Variants in COL5A3 observed in about 807,000 individuals in gnomAD.
The protein encoded by COL5A3 is collagen alpha-3(V) chain.
COL5A3 carries 172 observed loss-of-function variants against 250.0 expected under a neutral mutation model. The observed-to-expected ratio is 0.69, with a 90% confidence interval of 0.61 to 0.78. The LOEUF is 0.78. Ranked by LOEUF, COL5A3 falls within the 30% of genes least tolerant of loss-of-function variation. COL5A3 has a pLI of 0.00. For synonymous variants in COL5A3, 937 were observed against 900.4 expected (o/e 1.04, Z -0.73); for missense variants, 2,340 against 2,334.4 (o/e 1.00, Z -0.05).
Position 9,971,407 on chromosome 19 carries a change from A to T in COL5A3, c.3775-149T>A, listed in dbSNP as rs538032116. 271 of 643,162 alleles carry T rather than the reference A, an allele frequency of 4.2e-4. 1 individual carries two copies. The South Asian group carries it at 5.5e-3, about 13-fold the overall frequency. 39.8% of individuals were successfully genotyped at this position (643,162 alleles called of 1,614,324 possible). A position where few individuals can be genotyped will look rare whatever the true frequency, so the allele number is the denominator to read the frequency against. ...AAATCCCTGGCTTGGTAGAGCGAACATTCTCGTGTTTCATGGGTGCAGACG... is the reference window on the plus strand; with the variant it reads ...AAATCCCTGGCTTGGTAGAGCGAACTTTCTCGTGTTTCATGGGTGCAGACG... On this transcript the variant is annotated intron_variant, in intron 51 of 66. Transcript: ENST00000264828.
At chr19:9,985,643 C>A (rs570230665) in intron 31 of COL5A3, among the ~76,000 whole-genome samples, 199 bp downstream of exon 31, 4 of 152,094 alleles carry the variant, frequency 2.6e-5, no homozygotes, top group Non-Finnish European at 4.4e-5. Flanking sequence ...TGGGCTCAAG[C>A]AATCCTCTCA....
intron 16 of COL5A3, 45 bp downstream of exon 16, chr19:9,995,519 T>G: frequency 6.4e-7 from 1 of 1,555,106 alleles, no homozygotes; most frequent in Non-Finnish European, 8.7e-7. Context: ...TGTTGGGTGT[T>G]GAGGGATGGA....
At chr19:10,004,018 G>A in intron 5 of COL5A3, 23 bp downstream of exon 5, 1 of 1,551,382 alleles carries the variant, frequency 6.4e-7, no homozygotes, top group Non-Finnish European at 8.9e-7. Flanking sequence ...CTGAGATTAG[G>A]AGTCATGGAG....
intron 20 of COL5A3, 67 bp downstream of exon 20, chr19:9,992,956 G>A: frequency 6.2e-7 from 1 of 1,605,848 alleles, no homozygotes; most frequent in Non-Finnish European, 8.5e-7. Flanking sequence ...TATGAGTCCT[G>A]GGGCCCTGGG....
At chr19:9,966,458 C>T (rs1224329535) in intron 63 of COL5A3, 32 bp from the exon 64 acceptor site, 2 of 1,579,978 alleles carry the variant, frequency 1.3e-6, no homozygotes, top group Non-Finnish European at 1.7e-6. Flanking sequence ...TGGGTGAGTC[C>T]GGATGGGACC....
At position 9,989,288 on chromosome 19, in the gene COL5A3, G is replaced by A. The variant is rs116064043; in HGVS notation, c.2091+34C>T. 3,896 of 1,613,630 alleles carry A rather than the reference G, an allele frequency of 2.4e-3. 70 individuals are homozygous for A. The African/African-American group carries it at 0.042, about 17-fold the overall frequency. ...CTGCAGGCCCTGCCTCCCGACCCTC[G>A]TCCCCAACCCAGCCTAACCTCCTGG... On this transcript the variant is annotated intron_variant, in intron 26 of 66. Transcript: ENST00000264828.
intron 8 of COL5A3, 117 bp downstream of exon 8, chr19:10,001,407 A>T: frequency 9.4e-7 from 1 of 1,058,274 alleles, no homozygotes. Flanking sequence ...TAGGTCTCCC[A>T]AAGTGTTCGG....
intron 53 of COL5A3, 43 bp downstream of exon 53, chr19:9,970,932 C>T (rs2086836192): frequency 2.0e-6 from 3 of 1,509,364 alleles, no homozygotes; most frequent in Non-Finnish European, 2.7e-6. Context: ...CATTAGCTCC[C>T]CAACCCCCGC....
At chr19:9,967,730 T>C (rs1428544713) in intron 61 of COL5A3, 174 bp downstream of exon 61, 2 of 641,138 alleles carry the variant, frequency 3.1e-6, no homozygotes, top group East Asian at 3.0e-5. Context: ...CATCTTATAA[T>C]TGATGGCATT....
chr19:9,996,171 A>T, intron 14 of COL5A3, 35 bp downstream of exon 14: 2 of 1,555,538 alleles, frequency 1.3e-6, no homozygotes, highest in Non-Finnish European at 8.7e-7. Context: ...TCACTAATGC[A>T]TGCACCGCCC....
intron 47 of COL5A3, 30 bp from the exon 48 acceptor site, chr19:9,974,002 AC>A: frequency 6.6e-7 from 1 of 1,524,560 alleles, no homozygotes; most frequent in South Asian, 1.3e-5. Flanking sequence ...GTACCCAGTG[AC>A]CCCAGGCCCC....
At chr19:9,979,714 A>G in intron 37 of COL5A3, 125 bp downstream of exon 37, 2 of 923,252 alleles carry the variant, frequency 2.2e-6, no homozygotes, top group Non-Finnish European at 3.3e-6. Context: ...TGAACCTGGG[A>G]GGCAAAGGTT....
At chr19:9,960,956 C>G (rs187423655) in intron 65 of COL5A3, 66 bp from the exon 66 acceptor site, 122 of 1,573,212 alleles carry the variant, frequency 7.8e-5, no homozygotes, top group Middle Eastern at 1.8e-4. Context: ...GAAGCCACCC[C>G]CTGGAATCTC....
In COL5A3 at chr19:9,972,005, C is replaced by T. The variant is rs10422263; in HGVS notation, c.3775-747G>A. 1.0e-3 allele frequency among the ~76,000 whole-genome samples: 154 copies of T among 152,344 alleles called. 1 individual carries two copies. The highest frequency in any genetic ancestry group is 3.5e-3 in the African/African-American group (146 of 41,580). On this transcript the variant is annotated intron_variant, in intron 51 of 66. Transcript: ENST00000264828. ...TAATTCACTCATCCATCCATCCATT[C>T]GTTTATTCACTCATCTCTTCAGTCA...
chr19:10,004,071 G>A lies in COL5A3; in HGVS notation c.669C>T (p.Asp223=). 2.5e-6 allele frequency: 4 copies of A among 1,614,046 alleles called. No homozygotes were observed. ...TGGCTGCCGGTGCCAGGTTGTCACA[G>A]TCGGGGAGGTACCGCTCACAAGCCT... is the stretch of plus-strand genomic sequence containing the variant. ...AFQACERYLP[D]CDNLAPAATV... Residue 223 remains aspartate, a synonymous_variant, in exon 5 of 67, where the codon GAC becomes GAT. Coordinates refer to ENST00000264828, the MANE Select transcript of COL5A3 (RefSeq NM_015719.4).
In COL5A3 at chr19:9,966,378, C is replaced by G; in HGVS notation, c.4718G>C (p.Arg1573Thr). ...PNQGCARDSF[R>T]VFCNFTAGGE... Reference sequence around the variant, plus strand: ...TCCCGCCGTGAAGTTGCAAAAAACCCTGAACGAGTCCCGCGCGCAGCCCTG... The same window carrying G: ...TCCCGCCGTGAAGTTGCAAAAAACCGTGAACGAGTCCCGCGCGCAGCCCTG... The change falls in exon 64 of 67, where the codon AGG becomes ACG. Residue 1573 changes from arginine to threonine, a missense_variant. Physicochemically the swap from Arg to Thr is moderately conservative, Grantham distance 71. This residue lies in a region of COL5A3 where 1,179 missense variants were observed against 1,162.6 expected (regional missense o/e 1.01). Coordinates refer to ENST00000264828, the MANE Select transcript of COL5A3 (RefSeq NM_015719.4). 1 of 1,610,172 alleles carries G rather than the reference C, an allele frequency of 6.2e-7. No homozygotes were observed. Among genetic ancestry groups the G allele is most frequent in the Non-Finnish European group, 8.5e-7 (1 of 1,177,660 alleles).
chr19:9,998,514 G>A (rs1408327269), intron 8 of COL5A3, among the ~76,000 whole-genome samples: 1 of 152,108 alleles, frequency 6.6e-6, no homozygotes, highest in African/African-American at 2.4e-5. Context: ...TGACGCCTGT[G>A]TATATATCAT....
chr19:9,986,222 T>C (rs982673247), intron 30 of COL5A3, 93 bp downstream of exon 30: 4 of 875,992 alleles, frequency 4.6e-6, no homozygotes, highest in Admixed American at 2.5e-5. Context: ...AGCAACCTCC[T>C]GAGGTCGAAG....
At chr19:9,962,766 G>A in intron 65 of COL5A3, 53 bp downstream of exon 65, 1 of 1,418,112 alleles carries the variant, frequency 7.1e-7, no homozygotes, top group Non-Finnish European at 9.8e-7. Flanking sequence ...AAACCCCCCT[G>A]CTGGTTCCCA....
Sources: allele counts gnomAD v4.1 joint callset (sites outside exome capture counted in the v4.1 genomes callset), GRCh38; gene constraint gnomAD v4.1.1; regional missense constraint gnomAD v4.1.1; transcripts MANE v1.5; gene names NCBI Gene and HGNC (gene_info 2026-07-23, HGNC 2026-07-21).